NRG3: variants seen among roughly 807,000 people sequenced by gnomAD.
The protein encoded by NRG3 is pro-neuregulin-3, membrane-bound isoform.
A neutral mutation model predicts 66.9 loss-of-function variants in NRG3; 31 were observed. The ratio of observed to expected loss-of-function variants is 0.46; its 90% CI spans 0.35 to 0.63. NRG3 has a LOEUF of 0.63. Ranked by LOEUF, NRG3 falls within the 20% of genes least tolerant of loss-of-function variation. The probability of loss-of-function intolerance (pLI) is 0.00; values close to 1 mark genes in which losing one functional copy is unlikely to be tolerated. For missense variants in NRG3, 910 were observed against 878.9 expected, an observed-to-expected ratio of 1.04 and a Z score of -0.45; for synonymous variants, 393 against 359.4, an observed-to-expected ratio of 1.09 and a Z score of -1.06.
chr10:82,087,173 G>A (rs888457516), intron 1 of NRG3, among the ~76,000 whole-genome samples: 1 of 152,094 alleles, frequency 6.6e-6, no homozygotes, highest in Non-Finnish European at 1.5e-5. Flanking sequence ...ACAGGCTGGT[G>A]GTTTTATGAG....
chr10:82,189,812 A>T (rs2074028780), intron 1 of NRG3, among the ~76,000 whole-genome samples: 2 of 151,432 alleles, frequency 1.3e-5, no homozygotes. Context: ...TAAATAAATA[A>T]ATTAGCCAGA....
At chr10:81,905,292 T>G (rs1167888875) in intron 1 of NRG3, among the ~76,000 whole-genome samples, 2 of 152,032 alleles carry the variant, frequency 1.3e-5, no homozygotes, top group Non-Finnish European at 2.9e-5. Flanking sequence ...GTCTTCAGAG[T>G]TTTTTGGCAG....
intron 1 of NRG3, among the ~76,000 whole-genome samples, chr10:82,261,143 A>G (rs2078004739): frequency 6.6e-6 from 1 of 152,148 alleles, no homozygotes; most frequent in African/African-American, 2.4e-5. Flanking sequence ...CATAATCCTC[A>G]TAATCCCCAC....
intron 2 of NRG3, among the ~76,000 whole-genome samples, chr10:82,453,427 G>T (rs2091113818): frequency 6.6e-6 from 1 of 152,124 alleles, no homozygotes; most frequent in Admixed American, 6.5e-5. Flanking sequence ...GGAAAACCAG[G>T]ATGATTGATT....
chr10:82,204,837 T>C (rs1219162005), intron 1 of NRG3, among the ~76,000 whole-genome samples: 1 of 152,208 alleles, frequency 6.6e-6, no homozygotes, highest in East Asian at 1.9e-4. Context: ...TTTCTTGTGA[T>C]GCTATCATTT....
At chr10:82,133,191 C>G (rs1300253436) in intron 1 of NRG3, among the ~76,000 whole-genome samples, 1 of 151,940 alleles carries the variant, frequency 6.6e-6, no homozygotes, top group Non-Finnish European at 1.5e-5. Flanking sequence ...GATGTAGGCT[C>G]TTATTGCTAG....
chr10:82,456,533 T>C (rs917254677), intron 2 of NRG3, among the ~76,000 whole-genome samples: 1 of 152,228 alleles, frequency 6.6e-6, no homozygotes, highest in Middle Eastern at 3.4e-3. Context: ...GAATCATCAA[T>C]GCATCACTAG....
At chr10:82,035,831 T>C (rs1470591919) in intron 1 of NRG3, among the ~76,000 whole-genome samples, 2 of 152,260 alleles carry the variant, frequency 1.3e-5, no homozygotes, top group East Asian at 3.9e-4. Flanking sequence ...GTGAATAAAG[T>C]AATTGACAAT....
chr10:82,958,967 C>T lies in NRG3; in HGVS notation c.1176C>T (p.Ile392=). ...YFKSKKQAKQ[I]QEQLKVPQNG... ...CCTGCAGGAAACAAGCTAAACAAAT[C>T]CAAGAGCAGCTGAAAGTGCCACAAA... The change falls in exon 6 of 9, where the codon ATC becomes ATT. Residue 392 remains isoleucine, a synonymous_variant. Coordinates refer to ENST00000372141, the MANE Select transcript of NRG3 (RefSeq NM_001010848.4). 6.3e-7 allele frequency: 1 copy of T among 1,598,098 alleles called. No individual in the cohort carries two copies. The highest frequency in any genetic ancestry group is 8.5e-7 in the Non-Finnish European group (1 of 1,175,060).
intron 1 of NRG3, among the ~76,000 whole-genome samples, chr10:82,271,046 C>T (rs962511904): frequency 3.9e-5 from 6 of 152,010 alleles, no homozygotes; most frequent in Non-Finnish European, 8.8e-5. Flanking sequence ...AAGCCTTTAC[C>T]ACCTTAGTTC....
chr10:82,486,794 G>A (rs937313557), intron 2 of NRG3, among the ~76,000 whole-genome samples: 1 of 152,058 alleles, frequency 6.6e-6, no homozygotes, highest in African/African-American at 2.4e-5. Flanking sequence ...AACTTTGAGG[G>A]CATTATGTTA....
intron 2 of NRG3, among the ~76,000 whole-genome samples, chr10:82,581,241 G>A (rs1814592112): frequency 6.6e-6 from 1 of 151,806 alleles, no homozygotes. Flanking sequence ...CCTTTGGAGA[G>A]GTATTTGTTT....
intron 1 of NRG3, among the ~76,000 whole-genome samples, chr10:82,024,411 G>T (rs988835212): frequency 2.6e-5 from 4 of 151,870 alleles, no homozygotes; most frequent in East Asian, 3.9e-4. Context: ...GTGGGTTAAA[G>T]AAAATATCTT....
chr10:82,779,376 C>G (rs1266121743), intron 3 of NRG3, among the ~76,000 whole-genome samples: 1 of 152,132 alleles, frequency 6.6e-6, no homozygotes, highest in African/African-American at 2.4e-5. Context: ...CGTCTTATCT[C>G]TATGCAGCCC....
At chr10:82,586,062 G>T (rs1035101542) in intron 2 of NRG3, among the ~76,000 whole-genome samples, 1 of 152,000 alleles carries the variant, frequency 6.6e-6, no homozygotes, top group African/African-American at 2.4e-5. Flanking sequence ...ATAATGATTT[G>T]CAAATCATGG....
chr10:82,411,720 G>A (rs949609816), intron 2 of NRG3, among the ~76,000 whole-genome samples: 4 of 151,994 alleles, frequency 2.6e-5, no homozygotes, highest in South Asian at 2.1e-4. Context: ...AAGATGCTCC[G>A]GGGTCAGAAA....
intron 1 of NRG3, among the ~76,000 whole-genome samples, chr10:81,953,065 G>C (rs12411402): frequency 0.17 from 26,255 of 152,016 alleles, 2,900 homozygotes; most frequent in East Asian, 0.42. Context: ...ATCTTGACAG[G>C]GGACTTAGGG....
chr10:82,492,763 G>A (rs374690974), intron 2 of NRG3, among the ~76,000 whole-genome samples: 9 of 152,314 alleles, frequency 5.9e-5, no homozygotes, highest in African/African-American at 2.2e-4. Context: ...ACATGCAAAT[G>A]TTGGTGAATA....
intron 2 of NRG3, among the ~76,000 whole-genome samples, chr10:82,484,535 T>TA (rs932737521): frequency 6.6e-5 from 10 of 152,220 alleles, no homozygotes; most frequent in Non-Finnish European, 1.2e-4. Flanking sequence ...TATTTTATTT[T>TA]AAAAAATTCT....
Sources: allele counts gnomAD v4.1 joint callset (sites outside exome capture counted in the v4.1 genomes callset), GRCh38; gene constraint gnomAD v4.1.1; transcripts MANE v1.5; gene names NCBI Gene and HGNC (gene_info 2026-07-23, HGNC 2026-07-21).